Variants in ARMH3 observed in about 807,000 individuals in gnomAD.
ARMH3 encodes the protein armadillo-like helical domain-containing protein 3.
Under a neutral mutation model 99.1 loss-of-function variants are expected in ARMH3, and 60 were observed. That is an observed-to-expected ratio of 0.61 (90% CI 0.49 to 0.75). ARMH3 has a LOEUF of 0.75. Among genes scored for constraint, ARMH3 ranks in the 30% least tolerant of loss-of-function variants. The pLI is 0.00. For synonymous variants in ARMH3, 285 were observed against 292.8 expected, an observed-to-expected ratio of 0.97 and a Z score of 0.27; for missense variants, 679 against 843.1, an observed-to-expected ratio of 0.81 and a Z score of 2.41.
intron 24 of ARMH3, among the ~76,000 whole-genome samples, chr10:101,871,398 G>A (rs2067128147): frequency 6.6e-6 from 1 of 152,296 alleles, no homozygotes; most frequent in Middle Eastern, 3.4e-3. Flanking sequence ...AAATTAGAGG[G>A]TTAGCTGATT....
In ARMH3 at chr10:101,995,263, G is replaced by C. The variant is rs1054357060; in HGVS notation, c.1209+34C>G. ...CAGGGAAAGATAGCACTTTGTAAAA[G>C]ACTGCCTAATAGCAGAAGGCTCGTG... On this transcript the variant is annotated intron_variant, in intron 16 of 25. Coordinates refer to ENST00000370033, the MANE Select transcript of ARMH3 (RefSeq NM_024541.3). The C allele has an allele frequency of 8.2e-6, 13 of 1,579,212 alleles. No homozygotes were observed. The East Asian group carries it at 1.3e-4, about 16-fold the overall frequency.
At chr10:101,985,365 A>C (rs1846450850) in intron 19 of ARMH3, among the ~76,000 whole-genome samples, 1 of 151,242 alleles carries the variant, frequency 6.6e-6, no homozygotes, top group Non-Finnish European at 1.5e-5. Flanking sequence ...ATATGTATAC[A>C]TGTATATATA....
chr10:102,022,070 TTTGCAGCCTAGGAGAAATAGGCTATATC>T (rs1358472551), intron 8 of ARMH3, among the ~76,000 whole-genome samples: 1 of 152,088 alleles, frequency 6.6e-6, no homozygotes, highest in South Asian at 2.1e-4. Context: ...ACTATCCAGG[TTTGCAGCCTAGGAGAAATAGGCTATATC>T]ATGCAGCCTA....
In ARMH3 at chr10:101,943,980, C is replaced by T. The variant is rs1428910366; in HGVS notation, c.1706-4042G>A. On this transcript the variant is annotated intron_variant, in intron 22 of 25. Transcript: ENST00000370033. Reference sequence around the variant, plus strand: ...TCGGGAGGCTGAGGCAGGAGAATGGCGTGAACCTGGGAGGCGGAGCTTGCA... The same window carrying T: ...TCGGGAGGCTGAGGCAGGAGAATGGTGTGAACCTGGGAGGCGGAGCTTGCA... 1.2e-4 allele frequency among the ~76,000 whole-genome samples: 18 copies of T among 149,204 alleles called. No homozygotes were observed. In the East Asian group the frequency reaches 1.8e-3, roughly 15 times the overall value.
intron 19 of ARMH3, among the ~76,000 whole-genome samples, chr10:101,988,799 T>C (rs1846631443): frequency 6.6e-6 from 1 of 151,828 alleles, no homozygotes; most frequent in South Asian, 2.1e-4. Context: ...GGTGCGCGAC[T>C]GTAGTCCCAG....
chr10:102,000,081 AAAAAAAT>A (rs2066317330), intron 15 of ARMH3, among the ~76,000 whole-genome samples: 1 of 152,190 alleles, frequency 6.6e-6, no homozygotes, highest in Non-Finnish European at 1.5e-5. Context: ...ATTCTGTCTC[AAAAAAAT>A]AAAAAATAAA....
At chr10:102,006,272 C>A (rs2066485477) in intron 14 of ARMH3, among the ~76,000 whole-genome samples, 1 of 152,224 alleles carries the variant, frequency 6.6e-6, no homozygotes, top group Non-Finnish European at 1.5e-5. Context: ...CATTACTGAC[C>A]TTGCAGGTCT....
At chr10:101,898,814 T>TA (rs549658376) in intron 23 of ARMH3, among the ~76,000 whole-genome samples, 5 of 152,238 alleles carry the variant, frequency 3.3e-5, no homozygotes, top group Non-Finnish European at 2.9e-5. Context: ...TCAAGCTTAG[T>TA]AAAAAATTTG....
intron 24 of ARMH3, among the ~76,000 whole-genome samples, chr10:101,853,176 T>G (rs1180562555): frequency 6.6e-6 from 1 of 151,430 alleles, no homozygotes; most frequent in African/African-American, 2.4e-5. Context: ...CAGGCGTGAG[T>G]CACAGCGCCC....
intron 20 of ARMH3, among the ~76,000 whole-genome samples, chr10:101,973,738 A>G (rs1169902017): frequency 6.6e-6 from 1 of 152,192 alleles, no homozygotes; most frequent in Non-Finnish European, 1.5e-5. Context: ...AATGAAAGAG[A>G]AAGTAAAACC....
intron 22 of ARMH3, among the ~76,000 whole-genome samples, chr10:101,956,091 T>C (rs1845023661): frequency 6.6e-6 from 1 of 152,208 alleles, no homozygotes; most frequent in African/African-American, 2.4e-5. Flanking sequence ...TAAGTTATAC[T>C]TGCTGTAGCT....
At chr10:101,944,053 G>A (rs1164288925) in intron 22 of ARMH3, among the ~76,000 whole-genome samples, 17 of 137,162 alleles carry the variant, frequency 1.2e-4, no homozygotes, top group African/African-American at 4.7e-4. Context: ...GACAGAGCAA[G>A]ACTCCATCTC....
intron 23 of ARMH3, among the ~76,000 whole-genome samples, chr10:101,890,067 T>A (rs2067650012): frequency 1.3e-5 from 2 of 152,130 alleles, no homozygotes; most frequent in Non-Finnish European, 2.9e-5. Flanking sequence ...CTTAAAAATC[T>A]CTGAAATCTG....
At chr10:101,847,865 C>A (rs1383106648) in intron 25 of ARMH3, among the ~76,000 whole-genome samples, 1 of 152,162 alleles carries the variant, frequency 6.6e-6, no homozygotes. Flanking sequence ...AGCATCTGGG[C>A]TCCTGGGGAG....
At chr10:101,894,143 G>A (rs899557486) in intron 23 of ARMH3, among the ~76,000 whole-genome samples, 23 of 152,068 alleles carry the variant, frequency 1.5e-4, no homozygotes, top group African/African-American at 3.1e-4. Context: ...TATATGTGTC[G>A]GCCTTATGTT....
At position 101,881,867 on chromosome 10, in the gene ARMH3, T is replaced by C. The variant is rs547326242; in HGVS notation, c.1860+7545A>G. Among the ~76,000 whole-genome samples, 36 of 152,330 alleles carry C rather than the reference T, an allele frequency of 2.4e-4. 1 individual carries two copies. Among genetic ancestry groups the C allele is most frequent in the African/African-American group, 8.4e-4 (35 of 41,584 alleles). On this transcript the variant is annotated intron_variant, in intron 24 of 25. Transcript: ENST00000370033. ...ACACTTTACAATTTATGCCTCTTCA[T>C]TTTATCCAATCCCTACCACTCCTCT...
chr10:102,055,660 C>A (rs2067828521), intron 1 of ARMH3, among the ~76,000 whole-genome samples: 1 of 152,222 alleles, frequency 6.6e-6, no homozygotes, highest in Non-Finnish European at 1.5e-5. Context: ...TCGCACAAAC[C>A]CGCTTTCCTC....
intron 23 of ARMH3, among the ~76,000 whole-genome samples, chr10:101,928,892 G>A (rs569599703): frequency 3.0e-4 from 45 of 152,062 alleles, no homozygotes; most frequent in African/African-American, 9.6e-4. Context: ...CACCATGCCC[G>A]GCTAATTTTC....
chr10:101,889,265 C>T lies in ARMH3; in HGVS notation c.1860+147G>A, dbSNP rs1196817110. On this transcript the variant is annotated intron_variant, in intron 24 of 25. Transcript: ENST00000370033. Reference sequence around the variant, plus strand: ...CATCACTCTGTATTAAAAGTACTATCAACCAACCCCACACTAATTCCTCTC... The same window carrying T: ...CATCACTCTGTATTAAAAGTACTATTAACCAACCCCACACTAATTCCTCTC... 23 of 792,428 alleles carry T rather than the reference C, an allele frequency of 2.9e-5. No homozygotes were observed. The South Asian group carries it at 3.4e-4, about 12-fold the overall frequency. The allele number at this position is 792,428 out of a possible 1,614,324, so 49.1% of individuals were successfully genotyped here. A position where few individuals can be genotyped will look rare whatever the true frequency, so the allele number is the denominator to read the frequency against.
Sources: allele counts gnomAD v4.1 joint callset (sites outside exome capture counted in the v4.1 genomes callset), GRCh38; gene constraint gnomAD v4.1.1; transcripts MANE v1.5; gene names NCBI Gene and HGNC (gene_info 2026-07-23, HGNC 2026-07-21).